LZTFL1: variants seen among roughly 807,000 people sequenced by gnomAD.
LZTFL1 encodes leucine zipper transcription factor-like protein 1.
In LZTFL1, 25 loss-of-function variants were observed where a neutral mutation model predicts 45.9. The observed-to-expected ratio is 0.54, with a 90% CI of 0.40 to 0.76. The LOEUF (loss-of-function observed/expected upper bound fraction) is 0.76, where lower values mean the gene tolerates loss of function less well. Among genes scored for constraint, LZTFL1 ranks in the 30% least tolerant of loss-of-function variants. The probability of loss-of-function intolerance (pLI) is 0.00; values close to 1 mark genes in which losing one functional copy is unlikely to be tolerated. For missense variants in LZTFL1, 277 were observed against 331.1 expected, an observed-to-expected ratio of 0.84 and a Z score of 1.27; for synonymous variants, 93 against 117.4, an observed-to-expected ratio of 0.79 and a Z score of 1.35.
chr3:45,840,302 C>T (rs919008570), intron 1 of LZTFL1, among the ~76,000 whole-genome samples: 2 of 152,162 alleles, frequency 1.3e-5, no homozygotes, highest in African/African-American at 2.4e-5. Context: ...GCCTAGGAAA[C>T]GGCTATTCAC....
upstream of LZTFL1, among the ~76,000 whole-genome samples, chr3:45,844,455 A>C (rs762402609): frequency 1.3e-4 from 19 of 150,462 alleles, no homozygotes; most frequent in Middle Eastern, 3.2e-3. Context: ...TGATTAAGTA[A>C]AAAAAAAATA....
At chr3:45,888,310 C>T (rs1321115618) in intron 2 of LZTFL1, among the ~76,000 whole-genome samples, 1 of 152,138 alleles carries the variant, frequency 6.6e-6, no homozygotes, top group Non-Finnish European at 1.5e-5. Context: ...CAAGGACCCG[C>T]AAAAATGTCA....
At chr3:45,846,627 G>C (rs1701221430), upstream of LZTFL1, among the ~76,000 whole-genome samples, 1 of 152,000 alleles carries the variant, frequency 6.6e-6, no homozygotes. Flanking sequence ...GTAAGCTAGA[G>C]AAAAGAAAAT....
chr3:45,854,421 C>T (rs1341208543), intron 4 of LZTFL1: 1 of 152,416 alleles, frequency 6.6e-6, no homozygotes, highest in African/African-American at 2.4e-5. Context: ...CAAAATTAGC[C>T]AGGTGTAGTG....
At chr3:45,896,772 C>T (rs1702369944) in intron 2 of LZTFL1, among the ~76,000 whole-genome samples, 1 of 152,232 alleles carries the variant, frequency 6.6e-6, no homozygotes, top group South Asian at 2.1e-4. Context: ...CCCCACCTCC[C>T]TCCTTCTTGT....
chr3:45,847,749 C>T (rs1575267439), intron 4 of LZTFL1, among the ~76,000 whole-genome samples: 1 of 152,182 alleles, frequency 6.6e-6, no homozygotes, highest in African/African-American at 2.4e-5. Context: ...CAAGAGCAGA[C>T]CTGATCATAA....
At chr3:45,842,270 A>C, upstream of LZTFL1, 1 of 1,021,968 alleles carries the variant, frequency 9.8e-7, no homozygotes, top group Non-Finnish European at 1.4e-6. Context: ...GTGCCAGTTC[A>C]CTTTTGGGAG....
intron 1 of LZTFL1, among the ~76,000 whole-genome samples, chr3:45,839,837 C>G (rs148440108): frequency 9.2e-4 from 140 of 152,282 alleles, no homozygotes; most frequent in Middle Eastern, 3.4e-3. Flanking sequence ...CACTGAATTC[C>G]TACCCACCCT....
intron 2 of LZTFL1, among the ~76,000 whole-genome samples, chr3:45,871,197 T>C (rs1701665560): frequency 6.6e-6 from 1 of 152,212 alleles, no homozygotes; most frequent in South Asian, 2.1e-4. Flanking sequence ...AAGAAATGCA[T>C]TGAATTTCTC....
intron 2 of LZTFL1, among the ~76,000 whole-genome samples, chr3:45,860,382 T>C (rs1312114350): frequency 6.6e-6 from 1 of 151,922 alleles, no homozygotes; most frequent in Non-Finnish European, 1.5e-5. Flanking sequence ...GTGTGTTAGT[T>C]GGGAAGAACA....
chr3:45,861,461 G>A (rs940496540), intron 2 of LZTFL1, among the ~76,000 whole-genome samples: 6 of 152,146 alleles, frequency 3.9e-5, no homozygotes, highest in African/African-American at 1.4e-4. Context: ...CTGGCTGCTA[G>A]CCTACAATAA....
At chr3:45,838,997 CT>C (rs1701036215) in intron 1 of LZTFL1, among the ~76,000 whole-genome samples, 1 of 152,234 alleles carries the variant, frequency 6.6e-6, no homozygotes, top group African/African-American at 2.4e-5. Context: ...AATATTATCT[CT>C]GATAGTCACA....
At chr3:45,841,590 A>T in intron 1 of LZTFL1, 1 of 210,596 alleles carries the variant, frequency 4.7e-6, no homozygotes, top group Non-Finnish European at 9.6e-6. Context: ...AACCCTGCGT[A>T]TGTGTTAATG....
chr3:45,834,536 A>C (rs754864800), intron 3 of LZTFL1: 1 of 357,244 alleles, frequency 2.8e-6, no homozygotes, highest in Non-Finnish European at 5.1e-6. Flanking sequence ...TGCAATATCT[A>C]CTGCTAGAAA....
Position 45,907,237 on chromosome 3 carries a change from C to T in LZTFL1, c.-215+5883G>A, listed in dbSNP as rs148896808. Among the ~76,000 whole-genome samples, 152 of 152,316 alleles carry T rather than the reference C, an allele frequency of 1.0e-3. No individual in the cohort carries two copies. The East Asian group carries it at 0.027, about 27-fold the overall frequency. ...CTCAGATCTGAGGAGCTTCCCTAAGCCTCCTCCCCTGCCCAGGGACTGGCA... is the reference window on the plus strand; with the variant it reads ...CTCAGATCTGAGGAGCTTCCCTAAGTCTCCTCCCCTGCCCAGGGACTGGCA... On this transcript the variant is annotated intron_variant, in intron 2 of 4. Coordinates refer to the LZTFL1 transcript ENST00000472635.
chr3:45,878,228 T>C (rs1701787048), intron 2 of LZTFL1, among the ~76,000 whole-genome samples: 1 of 152,206 alleles, frequency 6.6e-6, no homozygotes, highest in Admixed American at 6.5e-5. Flanking sequence ...TGCAAAACAT[T>C]ATTATTAACT....
chr3:45,891,146 C>T (rs1272271094), intron 2 of LZTFL1, among the ~76,000 whole-genome samples: 2 of 152,140 alleles, frequency 1.3e-5, no homozygotes, highest in Non-Finnish European at 2.9e-5. Flanking sequence ...TTTTCCTGGC[C>T]CCCAGAGGGC....
intron 4 of LZTFL1, among the ~76,000 whole-genome samples, chr3:45,833,479 A>G (rs888882784): frequency 3.3e-5 from 5 of 152,234 alleles, no homozygotes; most frequent in African/African-American, 1.2e-4. Flanking sequence ...AGCCTGTGGG[A>G]GCTGAAACAG....
At chr3:45,913,211 T>TAGTA in intron 1 of LZTFL1, 9 of 1,427,388 alleles carry the variant, frequency 6.3e-6, no homozygotes, top group Non-Finnish European at 8.6e-6. Flanking sequence ...AATTAAACAA[T>TAGTA]GCTACTATTG....
Sources: gnomAD v4.1 joint callset for allele counts (sites outside exome capture counted in the v4.1 genomes callset) on GRCh38, gnomAD v4.1.1 for gene constraint, MANE v1.5 for transcripts, NCBI Gene and HGNC (gene_info 2026-07-23, HGNC 2026-07-21) for gene names.